The following NMNAT2 variants were observed in gnomAD, a reference collection of about 807,000 sequenced individuals.
The protein encoded by NMNAT2 is nicotinamide/nicotinic acid mononucleotide adenylyltransferase 2.
Under a neutral mutation model 41.6 loss-of-function variants are expected in NMNAT2, and 11 were observed. The observed-to-expected ratio is 0.26, with a 90% CI of 0.17 to 0.44. The LOEUF is 0.44. NMNAT2 is among the 20% of genes least tolerant of loss of function. The pLI, the probability that NMNAT2 is intolerant of heterozygous loss-of-function variation, is 1.00. For missense variants in NMNAT2, 288 were observed against 407.7 expected, an observed-to-expected ratio of 0.71 and a Z score of 2.53; for synonymous variants, 148 against 151.2, an observed-to-expected ratio of 0.98 and a Z score of 0.16.
At chr1:183,412,888 A>G (rs1023856959) in intron 1 of NMNAT2, among the ~76,000 whole-genome samples, 18 of 152,176 alleles carry the variant, frequency 1.2e-4, no homozygotes, top group African/African-American at 4.3e-4. Flanking sequence ...CAGCATGTCT[A>G]TTCATGTGGA....
intron 8 of NMNAT2, among the ~76,000 whole-genome samples, chr1:183,272,020 T>G (rs1376852260): frequency 6.6e-6 from 1 of 152,208 alleles, no homozygotes; most frequent in East Asian, 1.9e-4. Context: ...CCCAAAATGC[T>G]GGGATTGCAA....
chr1:183,301,462 C>A (rs561725279), intron 1 of NMNAT2, among the ~76,000 whole-genome samples: 2 of 152,348 alleles, frequency 1.3e-5, no homozygotes, highest in East Asian at 1.9e-4. Context: ...CCAGGCTTCC[C>A]AAAATGAGGT....
intron 8 of NMNAT2, among the ~76,000 whole-genome samples, chr1:183,269,316 C>T (rs1660920967): frequency 6.6e-6 from 1 of 152,184 alleles, no homozygotes; most frequent in Non-Finnish European, 1.5e-5. Flanking sequence ...ACCAGGTCAT[C>T]ATGAAGACAG....
At chr1:183,304,712 G>T (rs763248133) in intron 1 of NMNAT2, 1 of 1,614,106 alleles carries the variant, frequency 6.2e-7, no homozygotes, top group East Asian at 2.2e-5. Context: ...TGGCAGGCCT[G>T]AATTTCCTCT....
rs570316751 is a variant in NMNAT2, at chr1:183,316,764, G to A, written c.86-22971C>T. ...CAGCAAACATTGATTCATTGGGTAA[G>A]TGAACGTAAGCAGAGCTTGCCATAG... is the stretch of plus-strand genomic sequence containing the variant. On this transcript the variant is annotated intron_variant, in intron 1 of 10. Transcript: ENST00000287713. Among the ~76,000 whole-genome samples, 69 of 152,328 alleles carry A rather than the reference G, an allele frequency of 4.5e-4. 1 individual carries two copies. Among genetic ancestry groups the A allele is most frequent in the Middle Eastern group, 3.4e-3 (1 of 294 alleles).
intron 1 of NMNAT2, among the ~76,000 whole-genome samples, chr1:183,370,889 T>C (rs1003616210): frequency 6.6e-6 from 1 of 152,312 alleles, no homozygotes; most frequent in East Asian, 1.9e-4. Context: ...TTTCCCACTA[T>C]AGCCCCAGAG....
At chr1:183,312,915 A>T (rs1662156478) in intron 1 of NMNAT2, among the ~76,000 whole-genome samples, 1 of 152,188 alleles carries the variant, frequency 6.6e-6, no homozygotes, top group African/African-American at 2.4e-5. Context: ...TTGCTTCATT[A>T]TTAGCTACTA....
At chr1:183,264,767 C>A (rs1660761487) in intron 8 of NMNAT2, among the ~76,000 whole-genome samples, 1 of 152,088 alleles carries the variant, frequency 6.6e-6, no homozygotes, top group African/African-American at 2.4e-5. Flanking sequence ...GTACCCATCT[C>A]CCTCCAAGAG....
intron 1 of NMNAT2, among the ~76,000 whole-genome samples, chr1:183,348,488 C>A (rs1266113619): frequency 6.6e-6 from 1 of 152,144 alleles, no homozygotes; most frequent in Non-Finnish European, 1.5e-5. Context: ...TATTTATGTT[C>A]TTTGTTCCTA....
At chr1:183,291,855 T>C (rs554976969) in intron 3 of NMNAT2, among the ~76,000 whole-genome samples, 1 of 152,314 alleles carries the variant, frequency 6.6e-6, no homozygotes, top group East Asian at 1.9e-4. Context: ...AAGCTTTATC[T>C]TTAGGGGGAT....
chr1:183,407,124 C>A (rs1310096279), intron 1 of NMNAT2, among the ~76,000 whole-genome samples: 1 of 152,120 alleles, frequency 6.6e-6, no homozygotes, highest in Non-Finnish European at 1.5e-5. Context: ...GCCTGATCTG[C>A]CATTCTTAAA....
At chr1:183,290,010 A>G (rs1418612867) in intron 4 of NMNAT2, 118 bp downstream of exon 4, 3 of 721,708 alleles carry the variant, frequency 4.2e-6, no homozygotes, top group Non-Finnish European at 4.6e-6. Context: ...TAAGAGGCTG[A>G]AAGCAGGTCG....
intron 1 of NMNAT2, among the ~76,000 whole-genome samples, chr1:183,365,171 C>T (rs954546433): frequency 1.3e-5 from 2 of 151,868 alleles, no homozygotes; most frequent in African/African-American, 2.4e-5. Context: ...ATAAAAGTGG[C>T]AGGAAAAGTG....
intron 1 of NMNAT2, among the ~76,000 whole-genome samples, chr1:183,389,818 A>AGGGAGGG (rs1557897716): frequency 6.0e-5 from 5 of 83,504 alleles, no homozygotes; most frequent in Admixed American, 1.2e-4. Flanking sequence ...GAAAGAAAGA[A>AGGGAGGG]AGAAAGAAAG....
chr1:183,409,625 A>T (rs1461432156), intron 1 of NMNAT2, among the ~76,000 whole-genome samples: 3 of 152,166 alleles, frequency 2.0e-5, no homozygotes, highest in African/African-American at 7.2e-5. Context: ...CCAGAACCAT[A>T]GTTTTATAAG....
Position 183,251,259 on chromosome 1 carries a change from G to T in NMNAT2, c.*1382C>A, listed in dbSNP as rs1199813213. The T allele has an allele frequency of 6.6e-6, 1 of 152,274 alleles. No homozygotes were observed. Among genetic ancestry groups the T allele is most frequent in the Non-Finnish European group, 1.5e-5 (1 of 68,110 alleles). 9.4% of individuals were successfully genotyped at this position (152,274 alleles called of 1,614,324 possible). A position where few individuals can be genotyped will look rare whatever the true frequency, so the allele number is the denominator to read the frequency against. On this transcript the variant is annotated 3_prime_UTR_variant, in exon 11 of 11. Coordinates refer to ENST00000287713, the MANE Select transcript of NMNAT2 (RefSeq NM_015039.4). ...CCTGCAGCTCCCAGGCTCTGCAGGGGCTAGAACCAACCACAGAAACAAGAC... is the reference window on the plus strand; with the variant it reads ...CCTGCAGCTCCCAGGCTCTGCAGGGTCTAGAACCAACCACAGAAACAAGAC...
At chr1:183,315,576 G>A (rs1023628176) in intron 1 of NMNAT2, among the ~76,000 whole-genome samples, 4 of 151,986 alleles carry the variant, frequency 2.6e-5, no homozygotes, top group African/African-American at 4.8e-5. Flanking sequence ...GAAGTCAGGG[G>A]TTCAAGACCA....
chr1:183,297,271 A>G (rs776834080), intron 1 of NMNAT2, among the ~76,000 whole-genome samples: 2 of 151,984 alleles, frequency 1.3e-5, no homozygotes, highest in Non-Finnish European at 2.9e-5. Context: ...GATCAAATCA[A>G]ATTACGAAAG....
At chr1:183,293,114 CCCCT>C (rs1439466515) in intron 2 of NMNAT2, among the ~76,000 whole-genome samples, 1 of 152,180 alleles carries the variant, frequency 6.6e-6, no homozygotes. Flanking sequence ...TGCGAAGCAG[CCCCT>C]GTGTGCCCTG....
Sources: gnomAD v4.1 joint callset for allele counts (sites outside exome capture counted in the v4.1 genomes callset) on GRCh38, gnomAD v4.1.1 for gene constraint, MANE v1.5 for transcripts, NCBI Gene and HGNC (gene_info 2026-07-23, HGNC 2026-07-21) for gene names.